The following PNKP variants were observed in gnomAD, a reference collection of about 807,000 sequenced individuals.
The protein encoded by PNKP is polynucleotide kinase 3'-phosphatase, also known as bifunctional polynucleotide phosphatase/kinase.
A neutral mutation model predicts 66.2 loss-of-function variants in PNKP; 82 were observed. The observed-to-expected ratio is 1.24, with a 90% CI of 1.04 to 1.49. PNKP has a LOEUF of 1.49. PNKP is among the 40% of genes most tolerant of loss of function. The pLI, the probability that PNKP is intolerant of heterozygous loss-of-function variation, is 0.00. For synonymous variants in PNKP, 412 were observed against 298.9 expected (o/e 1.38, Z -3.90); for missense variants, 907 against 706.8 (o/e 1.28, Z -3.21).
rs146478958 is a variant in PNKP at position 49,861,292 on chromosome 19, C to T, written c.1522G>A (p.Glu508Lys). The T allele has an allele frequency of 5.0e-4, 804 of 1,613,940 alleles. 2 individuals carry two copies. In the African/African-American group the frequency reaches 9.4e-3, roughly 19 times the overall value. The change falls in exon 17 of 17, where the codon GAG becomes AAG. Residue 508 changes from glutamate to lysine, a missense_variant. Transcript: ENST00000322344. ...CAGTACAGCCGCCCCAGCCTCGGCT[C>T]CACCCATAGCCGGAACGGGATCTCC... ...ILEIPFRLWV[E>K]PRLGRLYCQF...
At chr19:49,865,766 A>AATCAGATTTT in intron 3 of PNKP, among the ~76,000 whole-genome samples, 19 of 151,700 alleles carry the variant, frequency 1.3e-4, no homozygotes, top group African/African-American at 4.4e-4. Flanking sequence ...GGCACCCGCC[A>AATCAGATTTT]CCATGCCCCG....
Position 49,864,045 on chromosome 19 carries a change from G to A in PNKP, c.663C>T (p.Ser221=), listed in dbSNP as rs1376565938. The A allele has an allele frequency of 1.9e-6, 3 of 1,613,968 alleles. No homozygotes were observed. Among genetic ancestry groups the A allele is most frequent in the Middle Eastern group, 1.6e-4 (1 of 6,062 alleles). Reference sequence around the variant, plus strand: ...CGGCTGGCAGCTTCCCGCGCCCGATGCTCATCTGGTTGGTGAAGATCACCA... The same window carrying A: ...CGGCTGGCAGCTTCCCGCGCCCGATACTCATCTGGTTGGTGAAGATCACCA... ...YKLVIFTNQM[S]IGRGKLPAEE... Residue 221 remains serine, a synonymous_variant, in exon 7 of 17, where the codon AGC becomes AGT. Coordinates refer to ENST00000322344, the MANE Select transcript of PNKP (RefSeq NM_007254.4).
At chr19:49,863,893 C>A in intron 7 of PNKP, 71 bp downstream of exon 7, 2 of 1,417,698 alleles carry the variant, frequency 1.4e-6, no homozygotes, top group Non-Finnish European at 9.9e-7. Flanking sequence ...CCCCGCTTAC[C>A]CTGGAGTCTA....
Position 49,867,531 on chromosome 19 carries a change from G to A in PNKP, c.-76C>T, listed in dbSNP as rs1225711090. The A allele has an allele frequency of 7.9e-6, 3 of 381,842 alleles. No individual in the cohort carries two copies. The highest frequency in any genetic ancestry group is 8.6e-5 in the Admixed American group (2 of 23,360). 23.7% of individuals were successfully genotyped at this position (381,842 alleles called of 1,614,324 possible). A position where few individuals can be genotyped will look rare whatever the true frequency, so the allele number is the denominator to read the frequency against. ...AGGGAGGTCCTGCCCGAGGTGCCCC[G>A]CCTGCAACCCGGCCGGCGGCGGTCG... On this transcript the variant is annotated 5_prime_UTR_variant, in exon 1 of 17. Coordinates refer to ENST00000322344, the MANE Select transcript of PNKP (RefSeq NM_007254.4).
chr19:49,863,578 G>A lies in PNKP; in HGVS notation c.816+111C>T, dbSNP rs3739190. 7.9e-4 allele frequency: 600 copies of A among 756,306 alleles called. 3 individuals are homozygous for A. The African/African-American group carries it at 9.0e-3, about 11-fold the overall frequency. The allele number at this position is 756,306 out of a possible 1,614,324, so 46.8% of individuals were successfully genotyped here. A position where few individuals can be genotyped will look rare whatever the true frequency, so the allele number is the denominator to read the frequency against. The stretch of plus-strand genomic sequence containing the variant: ...TGTCACAGCAAAAAACAGAAGGAGG[G>A]AGCGAGAGAGGACAGAGGAGTAAGG... On this transcript the variant is annotated intron_variant, in intron 8 of 16. Coordinates refer to ENST00000322344, the MANE Select transcript of PNKP (RefSeq NM_007254.4).
At chr19:49,864,270 G>C in intron 5 of PNKP, 34 bp from the exon 6 acceptor site, 1 of 1,613,144 alleles carries the variant, frequency 6.2e-7, no homozygotes, top group Non-Finnish European at 8.5e-7. Context: ...GGGTGACCCG[G>C]GGCCAGAGGT....
At chr19:49,867,350 CGG>C in intron 1 of PNKP, 117 bp downstream of exon 1, 1 of 935,930 alleles carries the variant, frequency 1.1e-6, no homozygotes, top group South Asian at 1.7e-5. Flanking sequence ...TCGCCTTCCG[CGG>C]GTCGACCCGT....
At chr19:49,862,000 G>A (rs1187583692) in intron 13 of PNKP, 44 bp downstream of exon 13, 1 of 1,608,854 alleles carries the variant, frequency 6.2e-7, no homozygotes, top group Non-Finnish European at 8.5e-7. Context: ...AGGTGGAGAT[G>A]GGAACTTTAT....
chr19:49,865,462 G>T, intron 3 of PNKP, 36 bp from the exon 4 acceptor site: 2 of 1,483,064 alleles, frequency 1.3e-6, no homozygotes, highest in Non-Finnish European at 1.8e-6. Context: ...GACTGGCTCC[G>T]CCCCCACCGG....
intron 8 of PNKP, 24 bp from the exon 9 acceptor site, chr19:49,862,762 G>A (rs2074788066): frequency 1.2e-6 from 2 of 1,613,658 alleles, no homozygotes; most frequent in African/African-American, 1.3e-5. Flanking sequence ...TAGTGAGGAG[G>A]CCCTTCCCAC....
rs748643212 is a variant in PNKP, at chr19:49,862,170, G to T, written c.1126+15C>A. The T allele has an allele frequency of 1.2e-6, 2 of 1,613,450 alleles. No homozygotes were observed. The highest frequency in any genetic ancestry group is 2.2e-5 in the East Asian group (1 of 44,876). The stretch of plus-strand genomic sequence containing the variant: ...GGCGGGGCTCAGGGCACGCGCACAG[G>T]AACAGGACACTTACCCCCAGGGAAT... On this transcript the variant is annotated intron_variant, in intron 12 of 16. Transcript: ENST00000322344.
chr19:49,862,738 CCT>C lies in PNKP; in HGVS notation c.817-2_817-1del. ...ATGGATATGGGCGTGCCGTCGTTGG[CCT>C]ACGGGAGACGGTAGTGAGGAGGCCC... On this transcript the variant is annotated splice_acceptor_variant, in intron 8 of 16. Coordinates refer to ENST00000322344, the MANE Select transcript of PNKP (RefSeq NM_007254.4). LOFTEE classifies it high-confidence loss of function. 6.2e-7 allele frequency: 1 copy of C among 1,614,110 alleles called. No homozygotes were observed. Among genetic ancestry groups the C allele is most frequent in the Non-Finnish European group, 8.5e-7 (1 of 1,179,980 alleles).
chr19:49,866,427 G>A lies in PNKP; in HGVS notation c.170C>T (p.Pro57Leu). The change falls in exon 3 of 17, where the codon CCT (proline) becomes CTT (leucine). Residue 57 changes from proline to leucine, a missense_variant. Transcript: ENST00000322344. ...TTTCACTGCCACTGTCCGGGTCTCA[G>A]GATCTGCGACCAGCTCCACTGAGGA... ...SRTQVELVAD[P>L]ETRTVAVKQL... is the part of the protein sequence containing the mutation. 6.2e-7 allele frequency: 1 copy of A among 1,614,202 alleles called. No homozygotes were observed.
chr19:49,862,619 CG>C lies in PNKP; in HGVS notation c.866-12del, dbSNP rs1207621354. On this transcript the variant is annotated splice_polypyrimidine_tract_variant and intron_variant, in intron 9 of 16. Coordinates refer to ENST00000322344, the MANE Select transcript of PNKP (RefSeq NM_007254.4). The stretch of plus-strand genomic sequence containing the variant: ...GGCGTCCGGCTGCGTCTGGAACACA[CG>C]GGACACCCCGTTCCCACCAGCTCGG... The C allele has an allele frequency of 1.2e-6, 2 of 1,613,786 alleles. No homozygotes were observed. Among genetic ancestry groups the C allele is most frequent in the Non-Finnish European group, 1.7e-6 (2 of 1,179,928 alleles).
chr19:49,861,851 TCACA>T lies in PNKP; in HGVS notation c.1215_1218del (p.Cys405Ter). On this transcript the variant is annotated frameshift_variant, in exon 14 of 17. Coordinates refer to ENST00000322344, the MANE Select transcript of PNKP (RefSeq NM_007254.4). LOFTEE classifies it high-confidence loss of function. ...TGCTTCAGGGCTGTCTCACACGTGG[TCACA>T]CAGCGCTGCCAGGAGCCTAGCGTGT... 6.3e-7 allele frequency: 1 copy of T among 1,594,162 alleles called. No individual in the cohort carries two copies. The highest frequency in any genetic ancestry group is 8.5e-7 in the Non-Finnish European group (1 of 1,173,120).
Position 49,864,357 on chromosome 19 carries a change from C to T in PNKP, c.545G>A (p.Gly182Glu), listed in dbSNP as rs757925060. 5 of 1,613,964 alleles carry T rather than the reference C, an allele frequency of 3.1e-6. No individual in the cohort carries two copies. In the African/African-American group the frequency reaches 5.3e-5, roughly 17 times the overall value. ...ACTGGGGCCAGTGGGAAAGACCTTC[C>T]CAGAGCGTGTGGTGATGAGCGTCCC... is the stretch of plus-strand genomic sequence containing the variant. ...LDGTLITTRSGKVFPTGPSDW... is the reference protein window; with the variant it reads ...LDGTLITTRSEKVFPTGPSDW... Residue 182 changes from glycine (G) to glutamate (E), a missense_variant, in exon 5 of 17, where the codon GGG becomes GAG. Physicochemically the swap from Gly to Glu is moderately conservative, Grantham distance 98. Transcript: ENST00000322344.
chr19:49,861,661 A>T lies in PNKP; in HGVS notation c.1333T>A (p.Cys445Ser). 1 of 1,550,422 alleles carries T rather than the reference A, an allele frequency of 6.4e-7. No homozygotes were observed. ...VQCARAAGVPCRCFLFTATLE... is the reference protein window; with the variant it reads ...VQCARAAGVPSRCFLFTATLE... ...GTGGCGGTGAAGAGGAAGCAGCGGC[A>T]GGGGACGCCCGCGGCTCGGGCACAC... The change falls in exon 15 of 17, where the codon TGC becomes AGC. Residue 445 changes from cysteine (C) to serine (S), a missense_variant. Cys to Ser is a moderately radical substitution (Grantham distance 112). Transcript: ENST00000322344.
intron 3 of PNKP, 136 bp downstream of exon 3, chr19:49,866,263 G>C (rs2074819380): frequency 1.2e-6 from 1 of 836,720 alleles, no homozygotes. Context: ...GCCTCCCAAA[G>C]TGCTGGGATT....
rs746877642 is a variant in PNKP, at chr19:49,864,015, C to T, written c.693G>A (p.Glu231=). Reference sequence around the variant, plus strand: ...CCACAGCCTCCACCTTGGCCTTGAACTCCTCGGCTGGCAGCTTCCCGCGCC... The same window carrying T: ...CCACAGCCTCCACCTTGGCCTTGAATTCCTCGGCTGGCAGCTTCCCGCGCC... The part of the protein sequence containing the change: ...SIGRGKLPAE[E]FKAKVEAVVE... Residue 231 remains glutamate (E), a synonymous_variant, in exon 7 of 17, where the codon GAG becomes GAA. Transcript: ENST00000322344. 2 of 1,614,130 alleles carry T rather than the reference C, an allele frequency of 1.2e-6. No individual in the cohort carries two copies. The highest frequency in any genetic ancestry group is 1.7e-6 in the Non-Finnish European group (2 of 1,180,028).
Sources: allele counts gnomAD v4.1 joint callset (sites outside exome capture counted in the v4.1 genomes callset), GRCh38; gene constraint gnomAD v4.1.1; transcripts MANE v1.5; gene names NCBI Gene and HGNC (gene_info 2026-07-23, HGNC 2026-07-21).